ITGAL: variants seen among roughly 807,000 people sequenced by gnomAD.
ITGAL encodes the protein integrin alpha-L.
In ITGAL, 68 loss-of-function variants were observed where a neutral mutation model predicts 138.4. The observed-to-expected ratio is 0.49, with a 90% CI of 0.40 to 0.60. ITGAL has a LOEUF of 0.60. ITGAL is among the 20% of genes least tolerant of loss of function. ITGAL has a pLI of 0.00. For synonymous variants in ITGAL, 561 were observed against 584.3 expected (o/e 0.96, Z 0.57); for missense variants, 1,256 against 1,478.6 (o/e 0.85, Z 2.47).
At chr16:30,486,212 A>G (rs1294172879) in intron 9 of ITGAL, among the ~76,000 whole-genome samples, 1 of 152,200 alleles carries the variant, frequency 6.6e-6, no homozygotes, top group Non-Finnish European at 1.5e-5. Flanking sequence ...CAGTTAAAGA[A>G]GCAATGGGCT....
intron 6 of ITGAL, chr16:30,480,552 A>C (rs1435818311): frequency 6.6e-6 from 1 of 152,200 alleles, no homozygotes. Context: ...TCAGTGACAT[A>C]GGTGGACCCA....
chr16:30,520,935 T>C (rs969423582), intron 30 of ITGAL, among the ~76,000 whole-genome samples: 4 of 150,868 alleles, frequency 2.7e-5, no homozygotes, highest in African/African-American at 9.8e-5. Flanking sequence ...AAATACAAAA[T>C]TAGCTGGGCA....
chr16:30,495,294 G>A (rs1173298028), intron 13 of ITGAL, among the ~76,000 whole-genome samples: 5 of 152,124 alleles, frequency 3.3e-5, no homozygotes, highest in Non-Finnish European at 5.9e-5. Context: ...CAAAGTGTTC[G>A]GATTACAGGT....
Position 30,496,428 on chromosome 16 carries a change from G to T in ITGAL, c.1702-8G>T, listed in dbSNP as rs2050801569. 2 of 1,613,848 alleles carry T rather than the reference G, an allele frequency of 1.2e-6. No individual in the cohort carries two copies. The highest frequency in any genetic ancestry group is 8.5e-7 in the Non-Finnish European group (1 of 1,179,972). On this transcript the variant is annotated splice_polypyrimidine_tract_variant and splice_region_variant and intron_variant, in intron 14 of 30. Transcript: ENST00000356798. ...TCAGCTTAGTGGCAATTTCTTTCTT[G>T]CTCTCAGCGGATAGAAGGGACCCAA... is the stretch of plus-strand genomic sequence containing the variant.
chr16:30,511,319 C>T (rs957747132), intron 24 of ITGAL, among the ~76,000 whole-genome samples, 183 bp downstream of exon 24: 13 of 152,174 alleles, frequency 8.5e-5, no homozygotes, highest in African/African-American at 3.1e-4. Flanking sequence ...ATGTGAGGGC[C>T]ATGGAAGAGC....
At chr16:30,489,462 A>C in intron 11 of ITGAL, 76 bp downstream of exon 11, 1 of 1,478,262 alleles carries the variant, frequency 6.8e-7, no homozygotes, top group Non-Finnish European at 9.4e-7. Context: ...TTCCAAAACA[A>C]TAATGAAAGC....
chr16:30,518,224 G>A (rs1189395347), intron 28 of ITGAL, among the ~76,000 whole-genome samples: 1 of 152,080 alleles, frequency 6.6e-6, no homozygotes, highest in Non-Finnish European at 1.5e-5. Context: ...TAGGTGGGTG[G>A]ATCACTTGAG....
At chr16:30,487,503 C>T (rs34876239) in intron 9 of ITGAL, among the ~76,000 whole-genome samples, 46,601 of 151,436 alleles carry the variant, frequency 0.31, 8,808 homozygotes, top group East Asian at 0.61. Context: ...TCAGCCTCCT[C>T]GGTTCAAGCG....
chr16:30,501,356 A>G (rs2050894761), intron 17 of ITGAL, among the ~76,000 whole-genome samples: 1 of 151,942 alleles, frequency 6.6e-6, no homozygotes, highest in Admixed American at 6.6e-5. Flanking sequence ...TGGGCAGATC[A>G]CCTGAGATTG....
At chr16:30,481,300 TGTGCCA>T in intron 6 of ITGAL, 133 bp from the exon 7 acceptor site, 1 of 665,944 alleles carries the variant, frequency 1.5e-6, no homozygotes, top group Non-Finnish European at 2.4e-6. Context: ...GAGCCAAGAT[TGTGCCA>T]GTGCACTCCA....
At chr16:30,483,097 T>C (rs2050583365) in intron 7 of ITGAL, 1 of 152,164 alleles carries the variant, frequency 6.6e-6, no homozygotes, top group African/African-American at 2.4e-5. Context: ...TGTTCAGTTC[T>C]CCCTTCTTTA....
chr16:30,498,761 T>G (rs1567477310), intron 15 of ITGAL: 1 of 241,678 alleles, frequency 4.1e-6, no homozygotes, highest in East Asian at 8.5e-5. Context: ...GTTAGCCAGG[T>G]GTGGTGGCAC....
At chr16:30,520,004 A>T in intron 30 of ITGAL, 37 bp downstream of exon 30, 1 of 1,452,434 alleles carries the variant, frequency 6.9e-7, no homozygotes, top group Non-Finnish European at 9.6e-7. Context: ...TTGCTGAGAC[A>T]GCCAGGCTGG....
Position 30,483,809 on chromosome 16 carries a change from CTCCTT to C in ITGAL, c.723-13_723-9del. 6.3e-7 allele frequency: 1 copy of C among 1,597,588 alleles called. No individual in the cohort carries two copies. The highest frequency in any genetic ancestry group is 8.6e-7 in the Non-Finnish European group (1 of 1,168,858). On this transcript the variant is annotated splice_polypyrimidine_tract_variant and intron_variant, in intron 7 of 30. Transcript: ENST00000356798. ...CTAGTTTGGGGGAGTCTCTCATCTC[CTCCTT>C]TCCTGGACACAGGACAGAGGTGTTC...
chr16:30,516,206 CT>C (rs1156978244), intron 25 of ITGAL, among the ~76,000 whole-genome samples: 2 of 151,428 alleles, frequency 1.3e-5, no homozygotes, highest in East Asian at 3.9e-4. Flanking sequence ...ACAGGTAGTT[CT>C]TTTTTTAATA....
At chr16:30,495,227 G>T (rs2050782729) in intron 13 of ITGAL, among the ~76,000 whole-genome samples, 1 of 152,264 alleles carries the variant, frequency 6.6e-6, no homozygotes, top group Non-Finnish European at 1.5e-5. Flanking sequence ...GTTTCACCAT[G>T]TTGGTCAGGC....
intron 21 of ITGAL, among the ~76,000 whole-genome samples, chr16:30,508,020 T>G (rs2051030186): frequency 6.6e-6 from 1 of 151,842 alleles, no homozygotes; most frequent in South Asian, 2.1e-4. Flanking sequence ...GCCATTCTCC[T>G]GCCTCAGCCT....
rs757401973 is a variant in ITGAL at position 30,521,597 on chromosome 16, G to T, written c.3445G>T (p.Ala1149Ser). ...DSEQLASGQE[A>S]GDPGCLKPLH... ...TGAGCAGCTGGCATCTGGGCAAGAGGCTGGGGATCCCGGCTGCCTGAAGCC... is the reference window on the plus strand; with the variant it reads ...TGAGCAGCTGGCATCTGGGCAAGAGTCTGGGGATCCCGGCTGCCTGAAGCC... The change falls in exon 31 of 31, where the codon GCT becomes TCT. Residue 1149 changes from alanine (A) to serine (S), a missense_variant. By Grantham distance (99) the Ala-to-Ser change is moderately conservative. Transcript: ENST00000356798. 9.9e-6 allele frequency: 16 copies of T among 1,614,048 alleles called. No homozygotes were observed. In the Admixed American group the frequency reaches 2.7e-4, roughly 27 times the overall value.
chr16:30,500,954 A>C (rs575868819), intron 17 of ITGAL, among the ~76,000 whole-genome samples: 5 of 152,110 alleles, frequency 3.3e-5, no homozygotes, highest in African/African-American at 1.2e-4. Context: ...CAGTGAGCCA[A>C]GATCGTGCCA....
Sources: allele counts gnomAD v4.1 joint callset (sites outside exome capture counted in the v4.1 genomes callset), GRCh38; gene constraint gnomAD v4.1.1; transcripts MANE v1.5; gene names NCBI Gene and HGNC (gene_info 2026-07-23, HGNC 2026-07-21).